ZNF81: variants seen among roughly 807,000 people sequenced by gnomAD.
The protein encoded by ZNF81 is zinc finger protein 81, also known as zinc finger protein 81 (HFZ20).
ZNF81 carries 5 observed loss-of-function variants against 32.3 expected under a neutral mutation model. The observed-to-expected ratio is 0.15, with a 90% CI of 0.08 to 0.33. The LOEUF is 0.33. Ranked by LOEUF, ZNF81 falls within the 10% of genes least tolerant of loss-of-function variation. The pLI is 1.00. For missense variants in ZNF81, 379 were observed against 479.8 expected (o/e 0.79, Z 1.96); for synonymous variants, 163 against 166.8 (o/e 0.98, Z 0.17).
rs1556891919 is a variant in ZNF81 at position 47,921,546 on chromosome X, A to T, written c.*4914A>T. 1 of 111,173 alleles carries T rather than the reference A, an allele frequency of 9.0e-6. No homozygotes were observed. The highest frequency in any genetic ancestry group is 1.9e-5 in the Non-Finnish European group (1 of 53,040). The allele number at this position is 111,173 out of a possible 1,213,427, so 9.2% of individuals were successfully genotyped here. ...CCCTGAATGATCCCCACCTCCTGGT[A>T]TTCTCACTCTTATATAATCCCCTCC... On this transcript the variant is annotated 3_prime_UTR_variant, in exon 5 of 5. Transcript: ENST00000338637.
intron 2 of ZNF81, among the ~76,000 whole-genome samples, chrX:47,874,058 G>A (rs186689417): frequency 1.8e-5 from 2 of 111,752 alleles, no homozygotes; most frequent in African/African-American, 6.5e-5. Flanking sequence ...GTAATAATCC[G>A]TCCTTGGCTG....
At chrX:47,887,016 A>G (rs1478675122) in intron 2 of ZNF81, among the ~76,000 whole-genome samples, 5 of 111,934 alleles carry the variant, frequency 4.5e-5, no homozygotes, top group Non-Finnish European at 9.4e-5. Flanking sequence ...GGCGTGGGTC[A>G]AGGTTTATGC....
chrX:47,859,945 A>G (rs1737416444), intron 2 of ZNF81, among the ~76,000 whole-genome samples: 1 of 110,852 alleles, frequency 9.0e-6, no homozygotes, highest in African/African-American at 3.3e-5. Context: ...TTGCTCTGCA[A>G]ACATCCTCGA....
In ZNF81 at chrX:47,888,040, A is replaced by G. The variant is rs782223996; in HGVS notation, c.96A>G (p.Arg32=). 8.3e-7 allele frequency: 1 copy of G among 1,211,149 alleles called. No homozygotes were observed. Among genetic ancestry groups the G allele is most frequent in the Non-Finnish European group, 1.1e-6 (1 of 895,301 alleles). Residue 32 remains arginine, a synonymous_variant, in exon 3 of 5, where the codon AGA becomes AGG. Coordinates refer to ENST00000338637, the MANE Select transcript of ZNF81 (RefSeq NM_007137.5). ...AGGATGTGACTGTGGACTTCAGTAG[A>G]GAGGAGTGGCAGCAACTGGACTCTA... The part of the protein sequence containing the change: ...SFEDVTVDFS[R]EEWQQLDSTQ...
At chrX:47,883,743 T>G (rs1394979117) in intron 2 of ZNF81, among the ~76,000 whole-genome samples, 1 of 112,081 alleles carries the variant, frequency 8.9e-6, no homozygotes, top group Middle Eastern at 4.2e-3. Context: ...AGCTATAAAT[T>G]TCCTTGTAAA....
intron 2 of ZNF81, among the ~76,000 whole-genome samples, chrX:47,865,740 T>G (rs1556883194): frequency 8.9e-6 from 1 of 111,818 alleles, no homozygotes; most frequent in Non-Finnish European, 1.9e-5. Context: ...TTTGGGGCTT[T>G]CTTTTAGGTG....
chrX:47,839,844 G>C (rs1253303464), intron 1 of ZNF81, among the ~76,000 whole-genome samples: 2 of 111,547 alleles, frequency 1.8e-5, no homozygotes, highest in East Asian at 2.8e-4. Context: ...CCAACCCGCT[G>C]TCCGTGGGCC....
intron 2 of ZNF81, among the ~76,000 whole-genome samples, chrX:47,880,196 A>AACT (rs782360303): frequency 8.9e-6 from 1 of 111,893 alleles, no homozygotes; most frequent in Non-Finnish European, 1.9e-5. Flanking sequence ...TTCACTCAGT[A>AACT]GTTTCAGCAG....
intron 3 of ZNF81, among the ~76,000 whole-genome samples, chrX:47,891,827 T>C (rs2058663493): frequency 8.9e-6 from 1 of 112,100 alleles, no homozygotes; most frequent in Non-Finnish European, 1.9e-5. Context: ...TTTTTCCCAA[T>C]ACATAGTTAT....
rs185508093 is a variant in ZNF81, at chrX:47,875,379, A to G, written c.55-12620A>G. 1.9e-3 allele frequency among the ~76,000 whole-genome samples: 209 copies of G among 112,197 alleles called. 1 individual carries two copies. Among genetic ancestry groups the G allele is most frequent in the African/African-American group, 6.2e-3 (193 of 30,895 alleles). On this transcript the variant is annotated intron_variant, in intron 2 of 4. Transcript: ENST00000338637. ...AATCATCCTCAGGTCACACTATAAGACTGGATTCTCATTACAGATGGATTT... is the reference window on the plus strand; with the variant it reads ...AATCATCCTCAGGTCACACTATAAGGCTGGATTCTCATTACAGATGGATTT...
chrX:47,914,931 A>G lies in ZNF81; in HGVS notation c.285A>G (p.Lys95=). The change falls in exon 5 of 5, where the codon AAA becomes AAG. Residue 95 remains lysine (K), a synonymous_variant. Transcript: ENST00000338637. ...EAPHQSCSDG[K]FGIKPSQRRI... Reference sequence around the variant, plus strand: ...TTTTCTTTCTCTTTTTAGATGGGAAATTTGGAATTAAGCCTTCCCAGAGGA... The same window carrying G: ...TTTTCTTTCTCTTTTTAGATGGGAAGTTTGGAATTAAGCCTTCCCAGAGGA... 1 of 1,208,256 alleles carries G rather than the reference A, an allele frequency of 8.3e-7. No individual in the cohort carries two copies. The highest frequency in any genetic ancestry group is 3.0e-5 in the East Asian group (1 of 33,731).
chrX:47,880,679 A>G (rs1336580913), intron 2 of ZNF81, among the ~76,000 whole-genome samples: 1 of 112,058 alleles, frequency 8.9e-6, no homozygotes, highest in African/African-American at 3.2e-5. Context: ...AAAACACTTC[A>G]TTGGCAAACT....
At chrX:47,866,665 G>C (rs2058561104) in intron 2 of ZNF81, among the ~76,000 whole-genome samples, 1 of 111,350 alleles carries the variant, frequency 9.0e-6, no homozygotes, top group African/African-American at 3.3e-5. Flanking sequence ...CAGGCACCTA[G>C]GCTAGACTCC....
At position 47,913,849 on chromosome X, in the gene ZNF81, C is replaced by A. The variant is rs911450420; in HGVS notation, c.278-1075C>A. Among the ~76,000 whole-genome samples the A allele has an allele frequency of 3.6e-5, 4 of 111,121 alleles. No individual in the cohort carries two copies. The East Asian group carries it at 1.1e-3, about 31-fold the overall frequency. On this transcript the variant is annotated intron_variant, in intron 4 of 4. Coordinates refer to ENST00000338637, the MANE Select transcript of ZNF81 (RefSeq NM_007137.5). ...CCCCACAGAATTAAAGAATTGAAACCCATCGAGAAGAGTTGTTGCAGAGAG... is the reference window on the plus strand; with the variant it reads ...CCCCACAGAATTAAAGAATTGAAACACATCGAGAAGAGTTGTTGCAGAGAG...
intron 2 of ZNF81, among the ~76,000 whole-genome samples, chrX:47,853,808 C>T (rs1556881545): frequency 9.0e-6 from 1 of 111,658 alleles, no homozygotes; most frequent in Admixed American, 9.5e-5. Context: ...CCTTAGCCTC[C>T]CAAAGTGCTG....
At chrX:47,848,404 T>C (rs2058479957) in intron 2 of ZNF81, among the ~76,000 whole-genome samples, 1 of 112,113 alleles carries the variant, frequency 8.9e-6, no homozygotes, top group African/African-American at 3.2e-5. Flanking sequence ...AGTAGTACTT[T>C]TTAAAAACTT....
chrX:47,919,319 T>G lies in ZNF81; in HGVS notation c.*2687T>G. On this transcript the variant is annotated 3_prime_UTR_variant, in exon 5 of 5. Coordinates refer to ENST00000338637, the MANE Select transcript of ZNF81 (RefSeq NM_007137.5). ...TCTGTCTTCAAATTCACTGATGTTT[T>G]TTCTCTCACCCTGGCTTTGTCAAGT... 1 of 282,601 alleles carries G rather than the reference T, an allele frequency of 3.5e-6. No individual in the cohort carries two copies. The highest frequency in any genetic ancestry group is 1.1e-4 in the East Asian group (1 of 9,285). The allele number at this position is 282,601 out of a possible 1,213,427, so 23.3% of individuals were successfully genotyped here.
chrX:47,873,808 A>C (rs1190844883), intron 2 of ZNF81, among the ~76,000 whole-genome samples: 1 of 111,065 alleles, frequency 9.0e-6, no homozygotes, highest in Non-Finnish European at 1.9e-5. Flanking sequence ...CTGGGACTAC[A>C]GGCATGTGCC....
At chrX:47,837,604 A>G (rs1367171540) in intron 1 of ZNF81, among the ~76,000 whole-genome samples, 1 of 111,918 alleles carries the variant, frequency 8.9e-6, no homozygotes, top group African/African-American at 3.3e-5. Flanking sequence ...CTGAAGCACC[A>G]TTTGTTGAAA....
Sources: allele counts gnomAD v4.1 joint callset (sites outside exome capture counted in the v4.1 genomes callset), GRCh38; gene constraint gnomAD v4.1.1; transcripts MANE v1.5; gene names NCBI Gene and HGNC (gene_info 2026-07-23, HGNC 2026-07-21).